OSBPL6: variants seen among roughly 807,000 people sequenced by gnomAD.
The protein encoded by OSBPL6 is oxysterol binding protein like 6.
A neutral mutation model predicts 125.8 loss-of-function variants in OSBPL6; 49 were observed. The ratio of observed to expected loss-of-function variants is 0.39; its 90% CI spans 0.31 to 0.49. OSBPL6 has a LOEUF of 0.49. Among genes scored for constraint, OSBPL6 ranks in the 20% least tolerant of loss-of-function variants. The pLI, the probability that OSBPL6 is intolerant of heterozygous loss-of-function variation, is 0.88. For missense variants in OSBPL6, 986 were observed against 1,135.4 expected (o/e 0.87, Z 1.89); for synonymous variants, 394 against 391.8 (o/e 1.01, Z -0.07).
At chr2:178,286,795 C>T (rs1574752735) in intron 2 of OSBPL6, among the ~76,000 whole-genome samples, 1 of 152,284 alleles carries the variant, frequency 6.6e-6, no homozygotes, top group Non-Finnish European at 1.5e-5. Flanking sequence ...TCATTCTGGA[C>T]ACCAGGGCGA....
chr2:178,294,239 T>A (rs990763938), intron 2 of OSBPL6, among the ~76,000 whole-genome samples: 1 of 152,158 alleles, frequency 6.6e-6, no homozygotes, highest in Admixed American at 6.5e-5. Context: ...CACTGCATTG[T>A]TCCATATAAT....
intron 1 of OSBPL6, among the ~76,000 whole-genome samples, chr2:178,228,807 C>A (rs1368243040): frequency 6.6e-6 from 1 of 152,028 alleles, no homozygotes; most frequent in Non-Finnish European, 1.5e-5. Flanking sequence ...AATACTTGAT[C>A]TATATTTAGA....
rs746653123 is a variant in OSBPL6 at position 178,395,772 on chromosome 2, TAAAA to T, written c.*238_*241del. The T allele has an allele frequency of 0.026, 6,178 of 238,756 alleles. 2 individuals carry two copies. Among genetic ancestry groups the T allele is most frequent in the African/African-American group, 0.038 (824 of 21,764 alleles). The allele number at this position is 238,756 out of a possible 1,614,324, so 14.8% of individuals were successfully genotyped here. On this transcript the variant is annotated 3_prime_UTR_variant, in exon 25 of 25. Transcript: ENST00000190611. ...TCTGTTTTGCTGCAACCATATTCCT[TAAAA>T]AAAAAAAAAAAAAAAAAAAAAAAAT... is the stretch of plus-strand genomic sequence containing the variant.
rs114060835 is a variant in OSBPL6 at position 178,201,364 on chromosome 2, G to C, written c.-351+6690G>C. On this transcript the variant is annotated intron_variant, in intron 1 of 24. Coordinates refer to ENST00000190611, the MANE Select transcript of OSBPL6 (RefSeq NM_032523.4). ...TTACTTTGAGAATATTTTGTATCAA[G>C]AGACATATTTTCTTATTTATTTATT... is the stretch of plus-strand genomic sequence containing the variant. Among the ~76,000 whole-genome samples the C allele has an allele frequency of 1.4e-3, 220 of 152,200 alleles. 2 individuals are homozygous for C. The highest frequency in any genetic ancestry group is 5.0e-3 in the African/African-American group (206 of 41,534).
chr2:178,202,500 T>C (rs910056230), intron 1 of OSBPL6, among the ~76,000 whole-genome samples: 2 of 152,216 alleles, frequency 1.3e-5, no homozygotes, highest in Non-Finnish European at 2.9e-5. Context: ...TTGTACATAC[T>C]GTATCTTTTT....
chr2:178,247,674 A>G (rs1186751552), intron 1 of OSBPL6, among the ~76,000 whole-genome samples: 1 of 151,810 alleles, frequency 6.6e-6, no homozygotes, highest in Non-Finnish European at 1.5e-5. Context: ...AGACTCCCTC[A>G]TCTTTGGGCC....
intron 1 of OSBPL6, among the ~76,000 whole-genome samples, chr2:178,279,523 C>T (rs1179413247): frequency 1.3e-5 from 2 of 152,160 alleles, no homozygotes; most frequent in Admixed American, 1.3e-4. Flanking sequence ...AACTTTTGCT[C>T]ATTAATGATT....
intron 15 of OSBPL6, among the ~76,000 whole-genome samples, chr2:178,375,685 AG>A (rs1343582908): frequency 6.6e-6 from 1 of 152,056 alleles, no homozygotes; most frequent in Non-Finnish European, 1.5e-5. Context: ...AGCCTCCCAA[AG>A]TGCTGGGATT....
rs749221547 is a variant in OSBPL6 at position 178,391,181 on chromosome 2, G to C, written c.2410G>C (p.Gly804Arg). 3.7e-6 allele frequency: 6 copies of C among 1,612,166 alleles called. No individual in the cohort carries two copies. The highest frequency in any genetic ancestry group is 5.1e-6 in the Non-Finnish European group (6 of 1,179,308). Reference protein sequence around the residue: ...FGKWHEGLYCGVAPSAKCIWR... With the variant: ...FGKWHEGLYCRVAPSAKCIWR... ...AAAGTGGCATGAAGGACTCTACTGT[G>C]GTGTGGCCCCCTCTGCAAAGTGCAT... The change falls in exon 22 of 25, where the codon GGT becomes CGT. Residue 804 changes from glycine (G) to arginine (R), a missense_variant. Transcript: ENST00000190611.
intron 2 of OSBPL6, among the ~76,000 whole-genome samples, chr2:178,296,855 A>G (rs1474898037): frequency 6.6e-6 from 1 of 152,206 alleles, no homozygotes; most frequent in Non-Finnish European, 1.5e-5. Flanking sequence ...ATTGAAACCA[A>G]CACTCATGCT....
chr2:178,382,542 T>C (rs780160011), intron 16 of OSBPL6, 35 bp downstream of exon 16: 6 of 1,613,568 alleles, frequency 3.7e-6, no homozygotes, highest in Admixed American at 1.7e-5. Context: ...TTGTTCTATC[T>C]ACATGCCAAA....
intron 1 of OSBPL6, among the ~76,000 whole-genome samples, chr2:178,204,439 G>T (rs1254514172): frequency 6.6e-6 from 1 of 152,134 alleles, no homozygotes; most frequent in East Asian, 1.9e-4. Context: ...GCTCAAGTCT[G>T]CTGCCCTGGG....
chr2:178,225,021 C>CTT (rs1553522181), intron 1 of OSBPL6, among the ~76,000 whole-genome samples: 2 of 150,656 alleles, frequency 1.3e-5, no homozygotes, highest in East Asian at 3.9e-4. Context: ...CTCTCTCTCT[C>CTT]TCTCTGAGTG....
At chr2:178,331,073 G>T (rs1256776405) in intron 5 of OSBPL6, among the ~76,000 whole-genome samples, 1 of 152,156 alleles carries the variant, frequency 6.6e-6, no homozygotes, top group Non-Finnish European at 1.5e-5. Flanking sequence ...ATTATTCATA[G>T]ATTCAGTCCA....
chr2:178,371,337 A>G (rs888473085), intron 13 of OSBPL6, among the ~76,000 whole-genome samples: 1 of 152,212 alleles, frequency 6.6e-6, no homozygotes, highest in Non-Finnish European at 1.5e-5. Context: ...CCTTGTAGGG[A>G]TGCCATGCTT....
intron 1 of OSBPL6, among the ~76,000 whole-genome samples, chr2:178,277,115 T>C (rs2092486107): frequency 6.6e-6 from 1 of 152,232 alleles, no homozygotes; most frequent in African/African-American, 2.4e-5. Flanking sequence ...ACTCTTTCTT[T>C]AGAGCATACT....
intron 13 of OSBPL6, among the ~76,000 whole-genome samples, chr2:178,367,420 A>G (rs1000691110): frequency 2.0e-5 from 3 of 151,924 alleles, no homozygotes; most frequent in Non-Finnish European, 2.9e-5. Context: ...ATTTTTATCT[A>G]AAATGTTTAA....
intron 12 of OSBPL6, among the ~76,000 whole-genome samples, chr2:178,349,619 G>A (rs1270057875): frequency 6.6e-6 from 1 of 151,964 alleles, no homozygotes; most frequent in African/African-American, 2.4e-5. Flanking sequence ...CATGGGGTTG[G>A]GGATAAAAAG....
At chr2:178,389,449 A>T (rs1477138277) in intron 21 of OSBPL6, among the ~76,000 whole-genome samples, 1 of 152,222 alleles carries the variant, frequency 6.6e-6, no homozygotes, top group African/African-American at 2.4e-5. Flanking sequence ...TCCAGAAAAC[A>T]CTTCTTGACT....
Sources: allele counts gnomAD v4.1 joint callset (sites outside exome capture counted in the v4.1 genomes callset), GRCh38; gene constraint gnomAD v4.1.1; transcripts MANE v1.5; gene names NCBI Gene and HGNC (gene_info 2026-07-23, HGNC 2026-07-21).